HMCES: variants seen among roughly 807,000 people sequenced by gnomAD.
HMCES encodes 5-hydroxymethylcytosine binding, ES cell specific, also known as abasic site processing protein HMCES.
A neutral mutation model predicts 35.1 loss-of-function variants in HMCES; 27 were observed. The ratio of observed to expected loss-of-function variants is 0.77; its 90% CI spans 0.57 to 1.06. The LOEUF (loss-of-function observed/expected upper bound fraction) is 1.06, where lower values mean the gene tolerates loss of function less well. Among genes scored for constraint, HMCES ranks in the 50% least tolerant of loss-of-function variants. The pLI is 0.00. For missense variants in HMCES, 391 were observed against 430.4 expected (o/e 0.91, Z 0.81); for synonymous variants, 130 against 154.7 (o/e 0.84, Z 1.18).
At chr3:129,281,316 A>G (rs1340531065) in intron 2 of HMCES, among the ~76,000 whole-genome samples, 1 of 152,228 alleles carries the variant, frequency 6.6e-6, no homozygotes, top group Non-Finnish European at 1.5e-5. Context: ...TACCTCTGGT[A>G]CATACTCTTT....
rs1176199254 is a variant in HMCES, at chr3:129,298,443, C to T, written c.543C>T (p.Asp181=). The T allele has an allele frequency of 6.2e-7, 1 of 1,614,076 alleles. No individual in the cohort carries two copies. The highest frequency in any genetic ancestry group is 8.5e-7 in the Non-Finnish European group (1 of 1,180,030). Residue 181 remains aspartate, a synonymous_variant, in exon 5 of 7, where the codon GAC becomes GAT. Coordinates refer to ENST00000383463, the MANE Select transcript of HMCES (RefSeq NM_020187.3). ...WRLLTMAGIF[D]CWEPPEGGDV... is the part of the protein sequence containing the mutation. ...TGCTGACAATGGCCGGGATCTTTGACTGCTGGGAGCCCCCAGAGGGAGGAG... is the reference window on the plus strand; with the variant it reads ...TGCTGACAATGGCCGGGATCTTTGATTGCTGGGAGCCCCCAGAGGGAGGAG...
chr3:129,303,094 C>T (rs2071190369), intron 6 of HMCES, among the ~76,000 whole-genome samples: 1 of 152,092 alleles, frequency 6.6e-6, no homozygotes, highest in South Asian at 2.1e-4. Flanking sequence ...ACCTTAACTT[C>T]TTAGAATCAG....
Position 129,304,575 on chromosome 3 carries a change from C to A in HMCES, c.829-14C>A, listed in dbSNP as rs769646873. The A allele has an allele frequency of 1.9e-6, 3 of 1,610,194 alleles. No homozygotes were observed. Among genetic ancestry groups the A allele is most frequent in the South Asian group, 2.2e-5 (2 of 90,934 alleles). ...TTGAGCTGTATGGTTTGAGCTTTTT[C>A]CTCTTTCTTGTAGGAGCTCAGGGCA... On this transcript the variant is annotated splice_polypyrimidine_tract_variant and intron_variant, in intron 6 of 6. Transcript: ENST00000383463.
At chr3:129,295,107 C>T (rs1221916218) in intron 4 of HMCES, among the ~76,000 whole-genome samples, 1 of 145,948 alleles carries the variant, frequency 6.9e-6, no homozygotes, top group African/African-American at 2.6e-5. Context: ...TGCAGTGAAC[C>T]GAGATGGCGC....
intron 4 of HMCES, among the ~76,000 whole-genome samples, chr3:129,293,505 C>CTAGTCAGT (rs1456495891): frequency 2.0e-5 from 3 of 150,406 alleles, no homozygotes; most frequent in Non-Finnish European, 4.4e-5. Flanking sequence ...GCACTTACTA[C>CTAGTCAGT]TAGTCAGTTA....
intron 2 of HMCES, among the ~76,000 whole-genome samples, chr3:129,287,682 G>T (rs1042180536): frequency 2.0e-5 from 3 of 152,136 alleles, no homozygotes; most frequent in African/African-American, 4.8e-5. Flanking sequence ...GTTGTTGAGG[G>T]CCAACCTTGT....
chr3:129,301,834 A>AGG, intron 5 of HMCES, 116 bp from the exon 6 acceptor site: 2 of 820,902 alleles, frequency 2.4e-6, no homozygotes, highest in Admixed American at 4.6e-5. Flanking sequence ...TGAGGCGCAG[A>AGG]GGGAGGGCAA....
In HMCES at chr3:129,279,709, G is replaced by A. The variant is rs1267900941; in HGVS notation, c.-23-1G>A. The A allele has an allele frequency of 4.9e-5, 79 of 1,611,168 alleles. No individual in the cohort carries two copies. The highest frequency in any genetic ancestry group is 6.5e-5 in the Non-Finnish European group (77 of 1,178,944). On this transcript the variant is annotated splice_acceptor_variant, in intron 1 of 6. Transcript: ENST00000383463. LOFTEE classifies it low-confidence loss of function (5UTR_SPLICE). The surrounding 1 kb of genome is among the most constrained non-coding windows in gnomAD (Gnocchi z 4.2). Reference sequence around the variant, plus strand: ...TTTTCCTTACGTTTTGTAATTTAAAGGTTGCGAGGGGCGGTGTTGAAGAAT... The same window carrying A: ...TTTTCCTTACGTTTTGTAATTTAAAAGTTGCGAGGGGCGGTGTTGAAGAAT...
chr3:129,286,722 A>AT (rs1007234461), intron 2 of HMCES, among the ~76,000 whole-genome samples: 17 of 150,504 alleles, frequency 1.1e-4, no homozygotes, highest in South Asian at 4.2e-4. Context: ...ATTTCTTTTT[A>AT]TTTTTTTTTA....
intron 6 of HMCES, among the ~76,000 whole-genome samples, chr3:129,303,941 TC>T (rs1297782013): frequency 6.6e-6 from 1 of 151,736 alleles, no homozygotes; most frequent in Non-Finnish European, 1.5e-5. Context: ...GATGGGGTCT[TC>T]CTATGTTTCC....
chr3:129,295,689 A>T (rs564226690), intron 4 of HMCES, among the ~76,000 whole-genome samples: 1 of 152,142 alleles, frequency 6.6e-6, no homozygotes, highest in Non-Finnish European at 1.5e-5. Context: ...TTTTTTGAGA[A>T]GTCTAGTGTA....
rs59474207 is a variant in HMCES, at chr3:129,304,699, G to A, written c.939G>A (p.Gln313=). ...AAAAGGAAGAGTCAGATGTTCCCCA[G>A]TGGTCCAGTCAGTTCCTGCAGAAGA... The part of the protein sequence containing the change: ...TPQKEESDVP[Q]WSSQFLQKSP... Residue 313 remains glutamine (Q), a synonymous_variant, in exon 7 of 7, where the codon CAG becomes CAA. Coordinates refer to ENST00000383463, the MANE Select transcript of HMCES (RefSeq NM_020187.3). 183 of 1,614,182 alleles carry A rather than the reference G, an allele frequency of 1.1e-4. No individual in the cohort carries two copies. The African/African-American group carries it at 2.1e-3, about 19-fold the overall frequency.
At chr3:129,297,400 A>G (rs891657412) in intron 4 of HMCES, among the ~76,000 whole-genome samples, 4 of 151,894 alleles carry the variant, frequency 2.6e-5, no homozygotes, top group Non-Finnish European at 5.9e-5. Flanking sequence ...GACAGGGATT[A>G]TTATTATTAC....
intron 5 of HMCES, among the ~76,000 whole-genome samples, chr3:129,301,214 A>G (rs2071164492): frequency 7.3e-6 from 1 of 136,452 alleles, no homozygotes; most frequent in Non-Finnish European, 1.5e-5. Context: ...AAAGAAGAAA[A>G]AAAAAAAAAT....
In HMCES at chr3:129,298,249, A is replaced by G. The variant is rs543994220; in HGVS notation, c.454-105A>G. On this transcript the variant is annotated intron_variant, in intron 4 of 6. Coordinates refer to ENST00000383463, the MANE Select transcript of HMCES (RefSeq NM_020187.3). ...GGGTTAATAAGACGTGGGCTGAATT[A>G]CTTTTAAAATGATTTCCGTGCTCTC... The G allele has an allele frequency of 1.6e-5, 17 of 1,045,540 alleles. No individual in the cohort carries two copies. The South Asian group carries it at 2.5e-4, about 15-fold the overall frequency. 64.8% of individuals were successfully genotyped at this position (1,045,540 alleles called of 1,614,324 possible). A position where few individuals can be genotyped will look rare whatever the true frequency, so the allele number is the denominator to read the frequency against.
At chr3:129,284,223 T>A (rs966941327) in intron 2 of HMCES, among the ~76,000 whole-genome samples, 1 of 152,220 alleles carries the variant, frequency 6.6e-6, no homozygotes, top group Non-Finnish European at 1.5e-5. Context: ...TGCAGCCAGT[T>A]TAGTGCCATG....
intron 5 of HMCES, among the ~76,000 whole-genome samples, chr3:129,301,301 C>T (rs1489335436): frequency 6.6e-6 from 1 of 151,208 alleles, no homozygotes; most frequent in East Asian, 1.9e-4. Context: ...AATCACCATT[C>T]ATTTAAAAAT....
chr3:129,298,438 T>A lies in HMCES; in HGVS notation c.538T>A (p.Phe180Ile). ...GAGGCTGCTGACAATGGCCGGGATC[T>A]TTGACTGCTGGGAGCCCCCAGAGGG... Reference protein sequence around the residue: ...NWRLLTMAGIFDCWEPPEGGD... With the variant: ...NWRLLTMAGIIDCWEPPEGGD... The change falls in exon 5 of 7, where the codon TTT becomes ATT. Residue 180 changes from phenylalanine to isoleucine, a missense_variant. Coordinates refer to ENST00000383463, the MANE Select transcript of HMCES (RefSeq NM_020187.3). 1.2e-6 allele frequency: 2 copies of A among 1,614,196 alleles called. No individual in the cohort carries two copies. Among genetic ancestry groups the A allele is most frequent in the Non-Finnish European group, 1.7e-6 (2 of 1,180,020 alleles).
chr3:129,291,001 G>T (rs2071008154), intron 4 of HMCES, among the ~76,000 whole-genome samples, 197 bp downstream of exon 4: 1 of 152,056 alleles, frequency 6.6e-6, no homozygotes, highest in Non-Finnish European at 1.5e-5. Flanking sequence ...CTAGGAGTTT[G>T]AGACCAGCCT....
Sources: gnomAD v4.1 joint callset for allele counts (sites outside exome capture counted in the v4.1 genomes callset) on GRCh38, gnomAD v4.1.1 for gene constraint, Gnocchi (gnomAD v3.1) non-coding constraint, MANE v1.5 for transcripts, NCBI Gene and HGNC (gene_info 2026-07-23, HGNC 2026-07-21) for gene names.